The following CENPU variants were observed in gnomAD, a reference collection of about 807,000 sequenced individuals.
CENPU encodes the protein centromere protein U.
CENPU carries 46 observed loss-of-function variants against 56.7 expected under a neutral mutation model. The ratio of observed to expected loss-of-function variants is 0.81; its 90% CI spans 0.64 to 1.04. CENPU has a LOEUF of 1.04. Ranked by LOEUF, CENPU falls within the 50% of genes least tolerant of loss-of-function variation. CENPU has a pLI of 0.00. For missense variants in CENPU, 510 were observed against 490.1 expected, an observed-to-expected ratio of 1.04 and a Z score of -0.38; for synonymous variants, 166 against 163.0, an observed-to-expected ratio of 1.02 and a Z score of -0.14.
chr4:184,729,067 G>T, intron 2 of CENPU, 32 bp from the exon 3 acceptor site: 1 of 1,507,762 alleles, frequency 6.6e-7, no homozygotes, highest in Non-Finnish European at 9.2e-7. Flanking sequence ...TCATTGAGTT[G>T]GCTCTCACAA....
chr4:184,697,858 C>G, intron 11 of CENPU, 55 bp from the exon 12 acceptor site: 1 of 1,439,606 alleles, frequency 6.9e-7, no homozygotes, highest in Non-Finnish European at 9.4e-7. Context: ...CGTGGTGAAA[C>G]TGAGGTTGTA....
intron 4 of CENPU, among the ~76,000 whole-genome samples, chr4:184,718,150 C>T (rs1324421634): frequency 1.3e-5 from 2 of 152,198 alleles, no homozygotes; most frequent in East Asian, 1.9e-4. Flanking sequence ...TCCACTGCAG[C>T]AGCTGGGCAG....
rs539236788 is a variant in CENPU, at chr4:184,702,570, A to C, written c.798-129T>G. The C allele has an allele frequency of 2.3e-5, 13 of 574,330 alleles. No homozygotes were observed. The African/African-American group carries it at 2.5e-4, about 11-fold the overall frequency. The allele number at this position is 574,330 out of a possible 1,614,324, so 35.6% of individuals were successfully genotyped here. On this transcript the variant is annotated intron_variant, in intron 8 of 12. Coordinates refer to ENST00000281453, the MANE Select transcript of CENPU (RefSeq NM_024629.4). ...CTTTTTTTATTTTAAAAATATCTTT[A>C]ATCTCTTATTTTTAATAATCTCAAT...
chr4:184,699,895 G>A (rs1401251703), intron 11 of CENPU, among the ~76,000 whole-genome samples: 2 of 152,154 alleles, frequency 1.3e-5, no homozygotes, highest in African/African-American at 4.8e-5. Context: ...GACCTCAAGT[G>A]ATCTGCCCAC....
At chr4:184,718,530 C>T (rs756488855) in intron 4 of CENPU, among the ~76,000 whole-genome samples, 1 of 152,196 alleles carries the variant, frequency 6.6e-6, no homozygotes, top group Non-Finnish European at 1.5e-5. Context: ...TTCAAAAGAT[C>T]ACTCTGGAAG....
intron 3 of CENPU, among the ~76,000 whole-genome samples, chr4:184,725,873 G>C (rs1761432299): frequency 6.6e-6 from 1 of 152,300 alleles, no homozygotes. Flanking sequence ...AGAGGAGAAA[G>C]ATGCTCCTAG....
At chr4:184,716,689 C>A in intron 5 of CENPU, 56 bp from the exon 6 acceptor site, 1 of 1,316,364 alleles carries the variant, frequency 7.6e-7, no homozygotes, top group East Asian at 2.3e-5. Flanking sequence ...GCTTATAATT[C>A]TTACTGTAAT....
chr4:184,733,869 G>T, intron 1 of CENPU, 147 bp downstream of exon 1: 1 of 1,054,858 alleles, frequency 9.5e-7, no homozygotes, highest in Non-Finnish European at 1.4e-6. Flanking sequence ...CTAGACTGAG[G>T]AGGAAGCCGG....
chr4:184,701,914 T>A (rs1032973837), intron 10 of CENPU, among the ~76,000 whole-genome samples, 175 bp downstream of exon 10: 4 of 152,120 alleles, frequency 2.6e-5, no homozygotes, highest in Admixed American at 2.6e-4. Flanking sequence ...CCCCATTCCT[T>A]ACCTTGCATT....
chr4:184,730,804 T>C, intron 2 of CENPU, 116 bp downstream of exon 2: 1 of 659,974 alleles, frequency 1.5e-6, no homozygotes, highest in Non-Finnish European at 2.5e-6. Context: ...GAACACACTT[T>C]TTCACTACAA....
intron 4 of CENPU, among the ~76,000 whole-genome samples, chr4:184,718,791 CTA>C (rs1761179472): frequency 6.6e-6 from 1 of 152,086 alleles, no homozygotes; most frequent in South Asian, 2.1e-4. Context: ...AATGGCAAGA[CTA>C]TTAACCTAGA....
At chr4:184,727,340 T>C (rs890926250) in intron 3 of CENPU, among the ~76,000 whole-genome samples, 1 of 152,148 alleles carries the variant, frequency 6.6e-6, no homozygotes, top group African/African-American at 2.4e-5. Context: ...ATGAAAAAGT[T>C]CTGGAGATGG....
In CENPU at chr4:184,728,274, A is replaced by G. The variant is rs75408173; in HGVS notation, c.214+644T>C. On this transcript the variant is annotated intron_variant, in intron 3 of 12. Coordinates refer to ENST00000281453, the MANE Select transcript of CENPU (RefSeq NM_024629.4). ...GAATACATTTCACCTTATAAAATGT[A>G]TAATATTTTCTTTAAACAAAAAATT... is the stretch of plus-strand genomic sequence containing the variant. Among the ~76,000 whole-genome samples the G allele has an allele frequency of 3.2e-4, 48 of 152,378 alleles. No homozygotes were observed. In the East Asian group the frequency reaches 6.9e-3, roughly 22 times the overall value.
At chr4:184,702,877 T>C (rs1760585147) in intron 8 of CENPU, among the ~76,000 whole-genome samples, 1 of 152,188 alleles carries the variant, frequency 6.6e-6, no homozygotes. Flanking sequence ...TCCAGCTGCA[T>C]CCATATTGCT....
At chr4:184,716,992 T>C in intron 5 of CENPU, 144 bp downstream of exon 5, 3 of 636,262 alleles carry the variant, frequency 4.7e-6, no homozygotes, top group Non-Finnish European at 7.9e-6. Context: ...AATAGAACTT[T>C]ATGAAAAATG....
At chr4:184,719,517 C>G (rs572935558) in intron 4 of CENPU, among the ~76,000 whole-genome samples, 20 of 152,204 alleles carry the variant, frequency 1.3e-4, no homozygotes, top group South Asian at 6.2e-4. Flanking sequence ...TCTGACAAGC[C>G]TTGCCACTAT....
chr4:184,702,023 G>A (rs990292725), intron 10 of CENPU, 66 bp downstream of exon 10: 4 of 1,040,750 alleles, frequency 3.8e-6, no homozygotes, highest in Non-Finnish European at 5.9e-6. Flanking sequence ...CCAGAGTCAA[G>A]TCTTCGCATA....
chr4:184,720,535 T>C (rs1761241005), intron 4 of CENPU, among the ~76,000 whole-genome samples: 6 of 152,122 alleles, frequency 3.9e-5, no homozygotes, highest in Admixed American at 2.6e-4. Context: ...AAGAAGGTTA[T>C]ACAACCAACA....
At chr4:184,710,546 A>T (rs1760888381) in intron 7 of CENPU, 1 of 160,634 alleles carries the variant, frequency 6.2e-6, no homozygotes, top group Non-Finnish European at 1.4e-5. Flanking sequence ...CTGATAGGCC[A>T]CTTGTAGGAT....
Sources: allele counts gnomAD v4.1 joint callset (sites outside exome capture counted in the v4.1 genomes callset), GRCh38; gene constraint gnomAD v4.1.1; transcripts MANE v1.5; gene names NCBI Gene and HGNC (gene_info 2026-07-23, HGNC 2026-07-21).